Variants in MAGI2 observed in about 807,000 individuals in gnomAD.
MAGI2 encodes membrane-associated guanylate kinase, WW and PDZ domain-containing protein 2.
MAGI2 carries 35 observed loss-of-function variants against 133.3 expected under a neutral mutation model. The observed-to-expected ratio is 0.26, with a 90% CI of 0.20 to 0.35. The LOEUF is 0.35. MAGI2 is among the 10% of genes least tolerant of loss of function. The pLI, the probability that MAGI2 is intolerant of heterozygous loss-of-function variation, is 1.00. For synonymous variants in MAGI2, 729 were observed against 710.6 expected (o/e 1.03, Z -0.41); for missense variants, 1,636 against 1,863.4 (o/e 0.88, Z 2.25).
intron 1 of MAGI2, among the ~76,000 whole-genome samples, chr7:79,222,543 T>G (rs549820468): frequency 6.6e-6 from 1 of 152,186 alleles, no homozygotes; most frequent in South Asian, 2.1e-4. Context: ...TTATAGAGAT[T>G]CTGCATAATA....
chr7:78,501,624 A>G lies in MAGI2; in HGVS notation c.918T>C (p.Asp306=). ...EDNEEPDPLP[D]NWEMAYTEKG... ...TCTCTGTATAGGCCATTTCCCAGTT[A>G]TCAGGCAATGGGTCTGGTTCCTCAT... The change falls in exon 5 of 22, where the codon GAT becomes GAC. Residue 306 remains aspartate (D), a synonymous_variant. Transcript: ENST00000354212. The G allele has an allele frequency of 3.1e-6, 5 of 1,613,924 alleles. No homozygotes were observed. Among genetic ancestry groups the G allele is most frequent in the Non-Finnish European group, 3.4e-6 (4 of 1,180,008 alleles).
intron 2 of MAGI2, among the ~76,000 whole-genome samples, chr7:78,837,407 T>C (rs1387656482): frequency 6.6e-6 from 1 of 152,160 alleles, no homozygotes; most frequent in African/African-American, 2.4e-5. Flanking sequence ...AATTTTCTTA[T>C]GTTAATTAGA....
chr7:78,154,131 A>G (rs1273953789), intron 16 of MAGI2, among the ~76,000 whole-genome samples: 1 of 152,248 alleles, frequency 6.6e-6, no homozygotes, highest in Non-Finnish European at 1.5e-5. Flanking sequence ...CTAAAATGTC[A>G]TAAAAGACCT....
intron 1 of MAGI2, among the ~76,000 whole-genome samples, chr7:79,102,664 T>C (rs930664800): frequency 2.0e-5 from 3 of 152,220 alleles, no homozygotes; most frequent in African/African-American, 7.2e-5. Context: ...AGTGACATTT[T>C]AAAAACCTGA....
At chr7:78,845,734 A>T (rs1792541144) in intron 2 of MAGI2, among the ~76,000 whole-genome samples, 1 of 152,002 alleles carries the variant, frequency 6.6e-6, no homozygotes, top group Admixed American at 6.6e-5. Flanking sequence ...GAGTTTGAAC[A>T]TCTTTCCAAA....
intron 1 of MAGI2, among the ~76,000 whole-genome samples, chr7:79,421,487 A>C (rs1041460816): frequency 6.6e-6 from 1 of 152,002 alleles, no homozygotes; most frequent in African/African-American, 2.4e-5. Flanking sequence ...CATTGTTCTT[A>C]AAATATTTTT....
chr7:79,221,735 G>A (rs138097465), intron 1 of MAGI2, among the ~76,000 whole-genome samples: 1 of 151,916 alleles, frequency 6.6e-6, no homozygotes, highest in African/African-American at 2.4e-5. Flanking sequence ...TTATAAATAG[G>A]TATGTTATGA....
chr7:78,991,206 T>C (rs774545792), intron 2 of MAGI2, among the ~76,000 whole-genome samples: 2 of 152,020 alleles, frequency 1.3e-5, no homozygotes, highest in Non-Finnish European at 2.9e-5. Context: ...GTAAGTTTCC[T>C]GTGGCCTCCC....
At chr7:78,628,382 T>C (rs906860439) in intron 2 of MAGI2, among the ~76,000 whole-genome samples, 4 of 152,152 alleles carry the variant, frequency 2.6e-5, no homozygotes, top group Non-Finnish European at 5.9e-5. Flanking sequence ...AAAAAAGTAT[T>C]TTAAATCCTT....
chr7:78,394,847 G>A (rs186383687), intron 6 of MAGI2, among the ~76,000 whole-genome samples: 77 of 152,276 alleles, frequency 5.1e-4, no homozygotes, highest in Admixed American at 1.4e-3. Flanking sequence ...ACAGTTGCAG[G>A]AATGGAAAGA....
intron 6 of MAGI2, among the ~76,000 whole-genome samples, chr7:78,393,163 C>T (rs1459292052): frequency 3.3e-5 from 5 of 152,100 alleles, no homozygotes; most frequent in East Asian, 1.9e-4. Context: ...CAGCACAAGT[C>T]GTAGTTGGAG....
intron 2 of MAGI2, among the ~76,000 whole-genome samples, chr7:78,628,736 C>CTT (rs1450629016): frequency 6.7e-6 from 1 of 149,294 alleles, no homozygotes; most frequent in Admixed American, 6.8e-5. Context: ...ATATTTCCTG[C>CTT]TGCTTTTATG....
At chr7:78,145,707 C>G (rs1371708670) in intron 16 of MAGI2, among the ~76,000 whole-genome samples, 3 of 152,172 alleles carry the variant, frequency 2.0e-5, no homozygotes, top group Non-Finnish European at 4.4e-5. Context: ...TAACTGTGAA[C>G]CAATATATAT....
chr7:78,389,521 G>A (rs960238117), intron 6 of MAGI2, among the ~76,000 whole-genome samples: 2 of 152,170 alleles, frequency 1.3e-5, no homozygotes. Context: ...TGATGTGTCC[G>A]CTGTGGCACT....
chr7:78,144,213 C>G (rs1370299547), intron 16 of MAGI2, among the ~76,000 whole-genome samples: 1 of 152,120 alleles, frequency 6.6e-6, no homozygotes, highest in African/African-American at 2.4e-5. Flanking sequence ...ATTCTAGTCT[C>G]TTGCCCTAAC....
At chr7:79,051,020 A>T (rs1812626482) in intron 1 of MAGI2, among the ~76,000 whole-genome samples, 1 of 152,236 alleles carries the variant, frequency 6.6e-6, no homozygotes, top group Non-Finnish European at 1.5e-5. Flanking sequence ...AAACGTTGAC[A>T]AAAACAAAGT....
chr7:79,424,990 A>T (rs1847238602), intron 1 of MAGI2, among the ~76,000 whole-genome samples: 1 of 152,154 alleles, frequency 6.6e-6, no homozygotes, highest in South Asian at 2.1e-4. Context: ...ATAGGATGTA[A>T]ACATAAGTCT....
rs1253204366 is a variant in MAGI2 at position 78,741,402 on chromosome 7, CA to C, written c.419-114164del. Among the ~76,000 whole-genome samples the C allele has an allele frequency of 2.1e-5, 3 of 144,524 alleles. No homozygotes were observed. The East Asian group carries it at 5.9e-4, about 28-fold the overall frequency. 94.8% of individuals were successfully genotyped at this position (144,524 alleles called of 152,430 possible). On this transcript the variant is annotated intron_variant, in intron 2 of 21. Coordinates refer to ENST00000354212, the MANE Select transcript of MAGI2 (RefSeq NM_012301.4). ...ACACACACACACACACACACACACA[CA>C]CACACACACACACACACACACACAC...
chr7:78,470,133 AT>A (rs1435927948), intron 6 of MAGI2, among the ~76,000 whole-genome samples: 1 of 151,910 alleles, frequency 6.6e-6, no homozygotes, highest in African/African-American at 2.4e-5. Flanking sequence ...ATCATTTCTC[AT>A]TTTTCACACC....
Sources: allele counts gnomAD v4.1 joint callset (sites outside exome capture counted in the v4.1 genomes callset), GRCh38; gene constraint gnomAD v4.1.1; transcripts MANE v1.5; gene names NCBI Gene and HGNC (gene_info 2026-07-23, HGNC 2026-07-21).